The following MARCHF8 variants were observed in gnomAD, a reference collection of about 807,000 sequenced individuals.
The protein encoded by MARCHF8 is E3 ubiquitin-protein ligase MARCHF8.
A neutral mutation model predicts 51.6 loss-of-function variants in MARCHF8; 40 were observed. The ratio of observed to expected loss-of-function variants is 0.77; its 90% confidence interval spans 0.60 to 1.01. The LOEUF (loss-of-function observed/expected upper bound fraction) is 1.01, where lower values mean the gene tolerates loss of function less well. Among genes scored for constraint, MARCHF8 ranks in the 50% least tolerant of loss-of-function variants. The pLI is 0.00. For missense variants in MARCHF8, 685 were observed against 708.6 expected (o/e 0.97, Z 0.38); for synonymous variants, 263 against 280.3 (o/e 0.94, Z 0.62).
At chr10:45,506,964 C>T (rs1229522849) in intron 2 of MARCHF8, among the ~76,000 whole-genome samples, 6 of 152,186 alleles carry the variant, frequency 3.9e-5, no homozygotes, top group Non-Finnish European at 7.4e-5. Context: ...CTCTTTTAAT[C>T]AGTTAAATGT....
At chr10:45,531,355 A>G (rs1007050629) in intron 2 of MARCHF8, among the ~76,000 whole-genome samples, 4 of 152,212 alleles carry the variant, frequency 2.6e-5, no homozygotes, top group Admixed American at 1.3e-4. Context: ...AAGAAATGCT[A>G]AAGTCCTTTA....
intron 1 of MARCHF8, among the ~76,000 whole-genome samples, chr10:45,594,016 T>C (rs1354314001): frequency 6.6e-6 from 1 of 152,170 alleles, no homozygotes; most frequent in Non-Finnish European, 1.5e-5. Context: ...CATTTTTATT[T>C]ATTTATTTTT....
intron 1 of MARCHF8, among the ~76,000 whole-genome samples, chr10:45,584,508 G>A (rs1304899608): frequency 6.6e-6 from 1 of 151,974 alleles, no homozygotes; most frequent in Non-Finnish European, 1.5e-5. Flanking sequence ...CAATATTAAG[G>A]ACATGGAACA....
intron 1 of MARCHF8, among the ~76,000 whole-genome samples, chr10:45,543,661 G>A (rs776075007): frequency 7.2e-5 from 11 of 151,952 alleles, no homozygotes; most frequent in Non-Finnish European, 1.3e-4. Flanking sequence ...AGCCGGGCAC[G>A]GTGGCGGGCG....
chr10:45,533,235 T>C lies in MARCHF8; in HGVS notation c.-24A>G, dbSNP rs111936295. ...ATCCCAACCTCTTATCTGGTCGTCT[T>C]CTTCACAGAAGAGAGTCTCCACTGG... On this transcript the variant is annotated 5_prime_UTR_variant, in exon 2 of 8. Coordinates refer to ENST00000453424, the MANE Select transcript of MARCHF8 (RefSeq NM_001282866.2). The C allele has an allele frequency of 6.3e-7, 1 of 1,593,028 alleles. No homozygotes were observed. Among genetic ancestry groups the C allele is most frequent in the Non-Finnish European group, 8.5e-7 (1 of 1,173,628 alleles).
intron 1 of MARCHF8, among the ~76,000 whole-genome samples, chr10:45,583,846 GC>G (rs2044581713): frequency 6.6e-6 from 1 of 151,224 alleles, no homozygotes; most frequent in African/African-American, 2.4e-5. Flanking sequence ...ACAAAAGAAA[GC>G]AAAAAAGAAT....
At chr10:45,482,792 A>G (rs1030374557) in intron 3 of MARCHF8, among the ~76,000 whole-genome samples, 1 of 152,154 alleles carries the variant, frequency 6.6e-6, no homozygotes, top group African/African-American at 2.4e-5. Flanking sequence ...ACAAACCCAG[A>G]TACACAGAAC....
At chr10:45,576,449 G>A (rs2044490155) in intron 1 of MARCHF8, among the ~76,000 whole-genome samples, 1 of 152,172 alleles carries the variant, frequency 6.6e-6, no homozygotes, top group Admixed American at 6.5e-5. Context: ...TAGGCAAGAT[G>A]CAAGAAAAGC....
At chr10:45,555,480 T>A (rs193095017) in intron 1 of MARCHF8, among the ~76,000 whole-genome samples, 1 of 151,902 alleles carries the variant, frequency 6.6e-6, no homozygotes, top group African/African-American at 2.4e-5. Context: ...CTCACACCTG[T>A]AATCTCAGTA....
chr10:45,476,912 C>T (rs900756025), intron 3 of MARCHF8, among the ~76,000 whole-genome samples: 2 of 151,974 alleles, frequency 1.3e-5, no homozygotes, highest in African/African-American at 4.8e-5. Flanking sequence ...AGAAGACAAA[C>T]AGAAAACAAA....
intron 1 of MARCHF8, among the ~76,000 whole-genome samples, chr10:45,580,003 CAAAAAAAAAAAAAAAAA>C (rs34446338): frequency 1.4e-4 from 5 of 36,438 alleles, no homozygotes; most frequent in African/African-American, 3.1e-4. Context: ...ACTCCGTCTC[CAAAAAAAAAAAAAAAAA>C]AAAAAAAAAA....
intron 1 of MARCHF8, among the ~76,000 whole-genome samples, chr10:45,575,180 CG>C (rs2044475634): frequency 6.6e-6 from 1 of 152,126 alleles, no homozygotes; most frequent in Non-Finnish European, 1.5e-5. Context: ...CAGATCCCAT[CG>C]CCCAGGACAA....
rs571684578 is a variant in MARCHF8, at chr10:45,495,378, T to C, written c.103-5961A>G. 1.5e-4 allele frequency among the ~76,000 whole-genome samples: 23 copies of C among 152,294 alleles called. No homozygotes were observed. In the South Asian group the frequency reaches 1.7e-3, roughly 11 times the overall value. ...CATTTTTATAAATCTCATTGTTTAATAGAAGACAGCTAGATTCCTGCATCT... is the reference window on the plus strand; with the variant it reads ...CATTTTTATAAATCTCATTGTTTAACAGAAGACAGCTAGATTCCTGCATCT... On this transcript the variant is annotated intron_variant, in intron 2 of 7. Coordinates refer to ENST00000453424, the MANE Select transcript of MARCHF8 (RefSeq NM_001282866.2).
chr10:45,594,564 G>C (rs1468896341), exon 1 of MARCHF8: 2 of 152,234 alleles, frequency 1.3e-5, no homozygotes, highest in African/African-American at 4.8e-5. Context: ...CTCCACGCCG[G>C]GCCCGCAGCG....
chr10:45,585,415 C>T (rs564973220), intron 1 of MARCHF8, among the ~76,000 whole-genome samples: 11 of 152,082 alleles, frequency 7.2e-5, no homozygotes, highest in Non-Finnish European at 1.3e-4. Flanking sequence ...CAATGAACTA[C>T]GGCCATACAA....
chr10:45,565,055 T>G (rs1316739675), intron 1 of MARCHF8, among the ~76,000 whole-genome samples: 2 of 151,954 alleles, frequency 1.3e-5, no homozygotes, highest in African/African-American at 2.4e-5. Flanking sequence ...ATTTTTCAAT[T>G]TATTCTCTTA....
intron 2 of MARCHF8, among the ~76,000 whole-genome samples, chr10:45,495,804 G>T (rs542185913): frequency 1.4e-5 from 2 of 146,930 alleles, no homozygotes; most frequent in South Asian, 4.4e-4. Flanking sequence ...GCAGGAAGGT[G>T]GGGAGGGGAG....
chr10:45,555,016 TG>T lies in MARCHF8; in HGVS notation c.-78-21728del, dbSNP rs534703836. ...CTGAAGTGAGCTGAGATTGCGCCAC[TG>T]CATTCCAGCCTGGGCGACAGAGTGA... On this transcript the variant is annotated intron_variant, in intron 1 of 6. Coordinates refer to the MARCHF8 transcript ENST00000319836. Among the ~76,000 whole-genome samples, 319 of 152,154 alleles carry T rather than the reference TG, an allele frequency of 2.1e-3. 1 individual carries two copies. Among genetic ancestry groups the T allele is most frequent in the African/African-American group, 7.3e-3 (301 of 41,514 alleles).
At chr10:45,479,396 G>A (rs1215524467) in intron 3 of MARCHF8, among the ~76,000 whole-genome samples, 1 of 152,150 alleles carries the variant, frequency 6.6e-6, no homozygotes, top group Non-Finnish European at 1.5e-5. Flanking sequence ...AAATCTGAAT[G>A]GGGGAAAAGT....
Sources: allele counts gnomAD v4.1 joint callset (sites outside exome capture counted in the v4.1 genomes callset), GRCh38; gene constraint gnomAD v4.1.1; transcripts MANE v1.5; gene names NCBI Gene and HGNC (gene_info 2026-07-23, HGNC 2026-07-21).